ROBO1: variants seen among roughly 807,000 people sequenced by gnomAD.
ROBO1 encodes roundabout homolog 1.
Under a neutral mutation model 195.9 loss-of-function variants are expected in ROBO1, and 149 were observed. The ratio of observed to expected loss-of-function variants is 0.76; its 90% CI spans 0.67 to 0.87. The LOEUF (loss-of-function observed/expected upper bound fraction) is 0.87, where lower values mean the gene tolerates loss of function less well. Ranked by LOEUF, ROBO1 falls within the 40% of genes least tolerant of loss-of-function variation. The pLI, the probability that ROBO1 is intolerant of heterozygous loss-of-function variation, is 0.00. For missense variants in ROBO1, 1,933 were observed against 2,068.3 expected (o/e 0.93, Z 1.27); for synonymous variants, 816 against 733.2 (o/e 1.11, Z -1.82).
At chr3:78,866,927 A>T (rs1322565946) in intron 4 of ROBO1, among the ~76,000 whole-genome samples, 1 of 152,152 alleles carries the variant, frequency 6.6e-6, no homozygotes, top group Non-Finnish European at 1.5e-5. Flanking sequence ...TACGCAGGAG[A>T]GTTTTAGACT....
intron 2 of ROBO1, among the ~76,000 whole-genome samples, chr3:79,247,829 G>A (rs1195469951): frequency 1.3e-5 from 2 of 152,080 alleles, no homozygotes; most frequent in African/African-American, 2.4e-5. Context: ...CAGTAATGAG[G>A]CAGAAGGACT....
intron 2 of ROBO1, among the ~76,000 whole-genome samples, chr3:79,336,759 G>A (rs1382553165): frequency 2.0e-5 from 3 of 152,180 alleles, no homozygotes; most frequent in Admixed American, 1.3e-4. Flanking sequence ...CTTGCACTAT[G>A]CACCTGTAAA....
At chr3:79,415,603 G>T (rs902013858) in intron 2 of ROBO1, among the ~76,000 whole-genome samples, 1 of 152,120 alleles carries the variant, frequency 6.6e-6, no homozygotes, top group Non-Finnish European at 1.5e-5. Context: ...GCCCTGGAAA[G>T]TATGTTAACA....
At chr3:79,743,621 T>A (rs1703742449) in intron 1 of ROBO1, among the ~76,000 whole-genome samples, 1 of 152,252 alleles carries the variant, frequency 6.6e-6, no homozygotes, top group African/African-American at 2.4e-5. Context: ...TCAATATGAA[T>A]ATTTTACTCT....
At chr3:78,742,181 T>C (rs1240555932) in intron 5 of ROBO1, among the ~76,000 whole-genome samples, 1 of 152,148 alleles carries the variant, frequency 6.6e-6, no homozygotes, top group Non-Finnish European at 1.5e-5. Flanking sequence ...GAAATTCCTA[T>C]AACCAAAACT....
At position 78,826,339 on chromosome 3, in the gene ROBO1, G is replaced by A. The variant is rs1171859428; in HGVS notation, c.500-79439C>T. Among the ~76,000 whole-genome samples the A allele has an allele frequency of 5.3e-5, 8 of 152,180 alleles. No homozygotes were observed. In the South Asian group the frequency reaches 6.2e-4, roughly 12 times the overall value. ...TTGTTTATTGAACCATTACAGAATCGTCTTTCTCAAAAATGGTTTTAGCTC... is the reference window on the plus strand; with the variant it reads ...TTGTTTATTGAACCATTACAGAATCATCTTTCTCAAAAATGGTTTTAGCTC... On this transcript the variant is annotated intron_variant, in intron 4 of 30. Coordinates refer to ENST00000464233, the MANE Select transcript of ROBO1 (RefSeq NM_002941.4).
At chr3:78,811,106 G>A (rs1453770331) in intron 4 of ROBO1, among the ~76,000 whole-genome samples, 1 of 152,052 alleles carries the variant, frequency 6.6e-6, no homozygotes, top group Non-Finnish European at 1.5e-5. Flanking sequence ...ACTGTTCTCG[G>A]TCTATACAGC....
At chr3:78,987,356 G>GC (rs2077133125) in intron 3 of ROBO1, among the ~76,000 whole-genome samples, 1 of 151,834 alleles carries the variant, frequency 6.6e-6, no homozygotes, top group Non-Finnish European at 1.5e-5. Context: ...CAACACACAC[G>GC]CAACAGATGG....
intron 4 of ROBO1, among the ~76,000 whole-genome samples, chr3:78,778,775 T>C (rs1576148067): frequency 2.6e-5 from 4 of 152,042 alleles, no homozygotes; most frequent in South Asian, 4.1e-4. Flanking sequence ...AAATTTCATA[T>C]AGAATCAAAA....
intron 2 of ROBO1, among the ~76,000 whole-genome samples, chr3:79,402,813 G>A (rs917665109): frequency 6.6e-6 from 1 of 151,834 alleles, no homozygotes; most frequent in African/African-American, 2.4e-5. Context: ...TTAGATTTGG[G>A]GTTAGCTTGA....
intron 1 of ROBO1, among the ~76,000 whole-genome samples, chr3:79,766,640 C>A (rs2107541883): frequency 6.6e-6 from 1 of 152,238 alleles, no homozygotes. Flanking sequence ...TCCGCATCGG[C>A]CGCCCGCAGG....
At chr3:79,247,959 T>C (rs1028793877) in intron 2 of ROBO1, among the ~76,000 whole-genome samples, 3 of 152,132 alleles carry the variant, frequency 2.0e-5, no homozygotes, top group Non-Finnish European at 2.9e-5. Flanking sequence ...CATTCAATTA[T>C]CAAAATTCTT....
chr3:78,662,413 G>A (rs1276828894), intron 14 of ROBO1, among the ~76,000 whole-genome samples: 1 of 152,144 alleles, frequency 6.6e-6, no homozygotes, highest in Non-Finnish European at 1.5e-5. Context: ...CTCCTATCAT[G>A]TAACGATCAC....
chr3:79,227,462 A>G (rs1273476595), intron 2 of ROBO1, among the ~76,000 whole-genome samples: 1 of 152,130 alleles, frequency 6.6e-6, no homozygotes, highest in South Asian at 2.1e-4. Flanking sequence ...ATTGTTATCC[A>G]TATATTTCAG....
chr3:79,601,405 T>C (rs1944335428), intron 1 of ROBO1, among the ~76,000 whole-genome samples: 3 of 152,088 alleles, frequency 2.0e-5, no homozygotes, highest in Middle Eastern at 3.4e-3. Flanking sequence ...ACTGAGCAAA[T>C]GAAGTTTTTG....
chr3:78,712,024 A>C (rs138912542), intron 8 of ROBO1, among the ~76,000 whole-genome samples: 2 of 103,436 alleles, frequency 1.9e-5, no homozygotes, highest in East Asian at 3.1e-4. Flanking sequence ...TGGCAAAAAA[A>C]AAAAAAAAAA....
intron 2 of ROBO1, among the ~76,000 whole-genome samples, chr3:79,343,756 A>C (rs2035000241): frequency 1.3e-5 from 2 of 152,182 alleles, no homozygotes; most frequent in African/African-American, 4.8e-5. Flanking sequence ...AGAACAGCAA[A>C]CAAAGATGTA....
At chr3:79,320,503 G>GT (rs1013695524) in intron 2 of ROBO1, among the ~76,000 whole-genome samples, 56 of 152,078 alleles carry the variant, frequency 3.7e-4, no homozygotes, top group African/African-American at 1.1e-3. Context: ...AATTTTTGTA[G>GT]TTTTTTTGCA....
intron 2 of ROBO1, among the ~76,000 whole-genome samples, chr3:79,286,854 A>G (rs1393140837): frequency 6.6e-6 from 1 of 152,228 alleles, no homozygotes; most frequent in Admixed American, 6.5e-5. Context: ...GGATTTAATT[A>G]CATGGTATAT....
Sources: allele counts gnomAD v4.1 joint callset (sites outside exome capture counted in the v4.1 genomes callset), GRCh38; gene constraint gnomAD v4.1.1; transcripts MANE v1.5; gene names NCBI Gene and HGNC (gene_info 2026-07-23, HGNC 2026-07-21).